Variants in SPPL3 observed in about 807,000 individuals in gnomAD.
SPPL3 encodes signal peptide peptidase like 3, also known as signal peptide peptidase-like 3.
In SPPL3, 5 loss-of-function variants were observed where a neutral mutation model predicts 42.4. That is an observed-to-expected ratio of 0.12 (90% CI 0.06 to 0.25). The LOEUF is 0.25. SPPL3 is among the 10% of genes least tolerant of loss of function. SPPL3 has a pLI of 1.00. For missense variants in SPPL3, 235 were observed against 489.0 expected, an observed-to-expected ratio of 0.48 and a Z score of 4.90; for synonymous variants, 195 against 181.8, an observed-to-expected ratio of 1.07 and a Z score of -0.58.
intron 2 of SPPL3, among the ~76,000 whole-genome samples, chr12:120,792,439 C>T (rs626103): frequency 0.098 from 14,931 of 152,140 alleles, 1,595 homozygotes; most frequent in African/African-American, 0.27. Flanking sequence ...CAGTGGCTCA[C>T]GCCTGTAATC....
chr12:120,808,227 G>A lies in SPPL3; in HGVS notation c.101+2582C>T, dbSNP rs190693009. Among the ~76,000 whole-genome samples, 282 of 151,752 alleles carry A rather than the reference G, an allele frequency of 1.9e-3. 1 individual carries two copies. Among genetic ancestry groups the A allele is most frequent in the African/African-American group, 6.3e-3 (260 of 41,364 alleles). On this transcript the variant is annotated intron_variant, in intron 2 of 10. Coordinates refer to ENST00000353487, the MANE Select transcript of SPPL3 (RefSeq NM_139015.5). ...CATTCCTCCCAGCCTCCCAGGTAGC[G>A]CCGCCATGCCCAGCTAATTTTTGCA...
At chr12:120,790,626 T>C (rs1869883732) in intron 3 of SPPL3, among the ~76,000 whole-genome samples, 1 of 152,192 alleles carries the variant, frequency 6.6e-6, no homozygotes. Context: ...AAACCTTATC[T>C]GACCCATTGC....
chr12:120,794,136 A>G (rs1870018803), intron 2 of SPPL3, among the ~76,000 whole-genome samples: 1 of 152,208 alleles, frequency 6.6e-6, no homozygotes, highest in East Asian at 1.9e-4. Flanking sequence ...CCCCTTTGTC[A>G]TTACAAAATA....
intron 9 of SPPL3, among the ~76,000 whole-genome samples, chr12:120,766,690 G>A (rs918537965): frequency 6.6e-6 from 1 of 152,176 alleles, no homozygotes; most frequent in African/African-American, 2.4e-5. Context: ...CTGGGTTCAA[G>A]TTCCAACTCT....
At chr12:120,792,281 C>A (rs139645022) in intron 2 of SPPL3, among the ~76,000 whole-genome samples, 4 of 152,120 alleles carry the variant, frequency 2.6e-5, no homozygotes, top group Non-Finnish European at 5.9e-5. Flanking sequence ...AAAAATGGCA[C>A]GTCACTTTGA....
intron 1 of SPPL3, among the ~76,000 whole-genome samples, chr12:120,871,550 C>T (rs918175691): frequency 1.1e-4 from 17 of 152,168 alleles, no homozygotes; most frequent in African/African-American, 3.1e-4. Context: ...GTCAGGAGTT[C>T]GAGACCAGCC....
chr12:120,790,477 CCT>C (rs1869877270), intron 3 of SPPL3, among the ~76,000 whole-genome samples: 1 of 152,200 alleles, frequency 6.6e-6, no homozygotes, highest in South Asian at 2.1e-4. Flanking sequence ...TCTAGCATTT[CCT>C]CTCTCTTAGG....
At chr12:120,888,579 T>A (rs1394474168) in intron 1 of SPPL3, among the ~76,000 whole-genome samples, 3 of 152,166 alleles carry the variant, frequency 2.0e-5, no homozygotes, top group Admixed American at 6.5e-5. Context: ...CTATGTATCA[T>A]TCGATTAACA....
chr12:120,839,991 T>A (rs1194902977), intron 1 of SPPL3, among the ~76,000 whole-genome samples: 1 of 149,682 alleles, frequency 6.7e-6, no homozygotes, highest in Non-Finnish European at 1.5e-5. Flanking sequence ...TAAAAAGGAG[T>A]AAAATATGGC....
intron 1 of SPPL3, among the ~76,000 whole-genome samples, chr12:120,897,672 G>A (rs755016473): frequency 3.3e-5 from 5 of 152,108 alleles, no homozygotes; most frequent in East Asian, 3.9e-4. Flanking sequence ...GCAGTGAGCC[G>A]AGATCGCACC....
chr12:120,824,788 T>A (rs190125983), intron 1 of SPPL3, among the ~76,000 whole-genome samples: 2 of 152,228 alleles, frequency 1.3e-5, no homozygotes, highest in Non-Finnish European at 2.9e-5. Context: ...TCCTTCAGCA[T>A]TGGCCTCCCA....
intron 2 of SPPL3, among the ~76,000 whole-genome samples, chr12:120,795,674 C>T (rs563354202): frequency 2.6e-5 from 4 of 152,186 alleles, no homozygotes; most frequent in African/African-American, 9.6e-5. Context: ...TTTTGAGCTA[C>T]TGATTATGTG....
At chr12:120,856,534 G>A (rs1872465260) in intron 1 of SPPL3, among the ~76,000 whole-genome samples, 1 of 116,196 alleles carries the variant, frequency 8.6e-6, no homozygotes, top group African/African-American at 3.5e-5. Context: ...TTTTGAGACA[G>A]AGCGAGACTC....
chr12:120,768,872 C>G (rs1489438489), intron 7 of SPPL3, 81 bp downstream of exon 7: 1 of 1,266,436 alleles, frequency 7.9e-7, no homozygotes, highest in African/African-American at 1.5e-5. Context: ...ACTTTGGATA[C>G]TTCTAGTTAA....
chr12:120,830,606 A>AGAGAGAGAGAG (rs377406347), intron 1 of SPPL3, among the ~76,000 whole-genome samples: 319 of 124,438 alleles, frequency 2.6e-3, no homozygotes, highest in East Asian at 3.4e-3. Context: ...AGAGAGAGAG[A>AGAGAGAGAGAG]AGGTGTACAT....
chr12:120,877,124 C>CAA (rs1450137140), intron 1 of SPPL3, among the ~76,000 whole-genome samples: 7 of 152,008 alleles, frequency 4.6e-5, no homozygotes, highest in Non-Finnish European at 1.0e-4. Flanking sequence ...TGGAAAGAGA[C>CAA]AAACTACCAA....
Position 120,769,190 on chromosome 12 carries a change from A to T in SPPL3, c.503-131T>A. 3 of 659,394 alleles carry T rather than the reference A, an allele frequency of 4.5e-6. No individual in the cohort carries two copies. In the South Asian group the frequency reaches 5.8e-5, roughly 13 times the overall value. 40.8% of individuals were successfully genotyped at this position (659,394 alleles called of 1,614,324 possible). A position where few individuals can be genotyped will look rare whatever the true frequency, so the allele number is the denominator to read the frequency against. ...TCAGGCAGCCCTAAGCTCCAGCTTC[A>T]GAAACTTACATGCAACTGGTGCAAA... On this transcript the variant is annotated intron_variant, in intron 6 of 10. Transcript: ENST00000353487.
chr12:120,837,685 C>A (rs1871669869), intron 1 of SPPL3, among the ~76,000 whole-genome samples: 1 of 152,162 alleles, frequency 6.6e-6, no homozygotes, highest in African/African-American at 2.4e-5. Context: ...AAAATACCCA[C>A]CTAAAAAGGA....
At position 120,768,393 on chromosome 12, in the gene SPPL3, G is replaced by A; in HGVS notation, c.705C>T (p.Leu235=). 6.2e-7 allele frequency: 1 copy of A among 1,614,230 alleles called. No homozygotes were observed. Among genetic ancestry groups the A allele is most frequent in the South Asian group, 1.1e-5 (1 of 91,082 alleles). Residue 235 remains leucine (L), a synonymous_variant, in exon 8 of 11, where the codon CTC becomes CTT. Coordinates refer to ENST00000353487, the MANE Select transcript of SPPL3 (RefSeq NM_139015.5). The part of the protein sequence containing the change: ...DNPLDVLSRK[L]HLGPNVGRDV... ...CACGCCCAACATTGGGCCCCAGGTGGAGCTTCCGGGATAGAACGTCAAGGG... is the reference window on the plus strand; with the variant it reads ...CACGCCCAACATTGGGCCCCAGGTGAAGCTTCCGGGATAGAACGTCAAGGG...
Sources: gnomAD v4.1 joint callset for allele counts (sites outside exome capture counted in the v4.1 genomes callset) on GRCh38, gnomAD v4.1.1 for gene constraint, MANE v1.5 for transcripts, NCBI Gene and HGNC (gene_info 2026-07-23, HGNC 2026-07-21) for gene names.